MBTD1: variants seen among roughly 807,000 people sequenced by gnomAD.
The protein encoded by MBTD1 is MBT domain-containing protein 1.
MBTD1 carries 24 observed loss-of-function variants against 87.8 expected under a neutral mutation model. That is an observed-to-expected ratio of 0.27 (90% CI 0.20 to 0.38). The LOEUF (loss-of-function observed/expected upper bound fraction) is 0.38. Among genes scored for constraint, MBTD1 ranks in the 10% least tolerant of loss-of-function variants. The pLI, the probability that MBTD1 is intolerant of heterozygous loss-of-function variation, is 1.00. For missense variants in MBTD1, 436 were observed against 760.2 expected (o/e 0.57, Z 5.02); for synonymous variants, 237 against 248.6 (o/e 0.95, Z 0.44).
chr17:51,255,500 T>C (rs1303701525), intron 2 of MBTD1, among the ~76,000 whole-genome samples: 3 of 151,954 alleles, frequency 2.0e-5, no homozygotes, highest in Non-Finnish European at 4.4e-5. Context: ...CACATACAGA[T>C]ACACAAGGGG....
intron 2 of MBTD1, among the ~76,000 whole-genome samples, chr17:51,234,180 G>A (rs969143100): frequency 6.6e-6 from 1 of 151,792 alleles, no homozygotes; most frequent in South Asian, 2.1e-4. Context: ...ACCTGAGGTC[G>A]TCAGGAGTTC....
chr17:51,245,179 C>A (rs982860037), intron 2 of MBTD1, among the ~76,000 whole-genome samples: 1 of 152,216 alleles, frequency 6.6e-6, no homozygotes, highest in Non-Finnish European at 1.5e-5. Context: ...GGATTACAGG[C>A]ATGAGCCACT....
rs191640326 is a variant in MBTD1 at position 51,228,089 on chromosome 17, A to G, written c.-48-2880T>C. 4.4e-3 allele frequency among the ~76,000 whole-genome samples: 677 copies of G among 152,338 alleles called. 8 individuals carry two copies. Among genetic ancestry groups the G allele is most frequent in the African/African-American group, 0.015 (632 of 41,580 alleles). The stretch of plus-strand genomic sequence containing the variant: ...AACATAAACAATGGTTTAAAACCCA[A>G]CCCAATTTTCTCAAGCTAAACAGTA... On this transcript the variant is annotated intron_variant, in intron 2 of 16. Transcript: ENST00000586178.
chr17:51,217,928 A>G (rs1189600688), intron 5 of MBTD1, among the ~76,000 whole-genome samples: 3 of 152,116 alleles, frequency 2.0e-5, no homozygotes, highest in Non-Finnish European at 4.4e-5. Context: ...TACATGACAC[A>G]TGCTCCTGAG....
rs557662592 is a variant in MBTD1, at chr17:51,245,238, A to G, written c.-49+13905T>C. ...TTGTTATCTTATTTTGTGTGGTTTT[A>G]TGTGCCTACTTTTTTTCTTCTTTAG... On this transcript the variant is annotated intron_variant, in intron 2 of 16. Transcript: ENST00000586178. Among the ~76,000 whole-genome samples the G allele has an allele frequency of 3.3e-5, 5 of 152,054 alleles. No homozygotes were observed. The South Asian group carries it at 1.0e-3, about 32-fold the overall frequency.
At position 51,246,191 on chromosome 17, in the gene MBTD1, G is replaced by C. The variant is rs1482260522; in HGVS notation, c.-49+12952C>G. On this transcript the variant is annotated intron_variant, in intron 2 of 16. Coordinates refer to ENST00000586178, the MANE Select transcript of MBTD1 (RefSeq NM_017643.3). ...TAGATATCTTGGGGATGAGACCCAA[G>C]TCTAAACACGAAATTCACTTGTTTC... Among the ~76,000 whole-genome samples the C allele has an allele frequency of 2.6e-5, 4 of 152,238 alleles. No individual in the cohort carries two copies. In the South Asian group the frequency reaches 8.3e-4, roughly 32 times the overall value.
chr17:51,260,712 C>A, upstream of MBTD1: 1 of 1,600,468 alleles, frequency 6.2e-7, no homozygotes. Flanking sequence ...CAAAAGCCTG[C>A]CCCTTCATCC....
At position 51,179,488 on chromosome 17, in the gene MBTD1, A is replaced by ATATATATATATATATTTATT. The variant is rs2050207241; in HGVS notation, c.*1087_*1088insAATAAATATATATATATATA. ...TGAATACAATTAAAGACAATTTTAT[A>ATATATATATATATATTTATT]TATATATATATATATATATATATAT... On this transcript the variant is annotated 3_prime_UTR_variant, in exon 17 of 17. Coordinates refer to ENST00000586178, the MANE Select transcript of MBTD1 (RefSeq NM_017643.3). 1 of 18,464 alleles carries ATATATATATATATATTTATT rather than the reference A, an allele frequency of 5.4e-5. No homozygotes were observed. The highest frequency in any genetic ancestry group is 1.1e-4 in the Non-Finnish European group (1 of 8,888). 1.1% of individuals were successfully genotyped at this position (18,464 alleles called of 1,614,324 possible).
At chr17:51,189,513 C>A (rs2050700671) in intron 16 of MBTD1, among the ~76,000 whole-genome samples, 1 of 152,176 alleles carries the variant, frequency 6.6e-6, no homozygotes, top group Non-Finnish European at 1.5e-5. Context: ...ATATTTCTTT[C>A]CATGTTCCCA....
At chr17:51,222,546 A>AG (rs1344581879) in intron 3 of MBTD1, among the ~76,000 whole-genome samples, 4 of 151,992 alleles carry the variant, frequency 2.6e-5, no homozygotes, top group African/African-American at 9.7e-5. Flanking sequence ...CTGGGACTAC[A>AG]GGCACACGCC....
intron 9 of MBTD1, 61 bp from the exon 10 acceptor site, chr17:51,202,996 G>A: frequency 1.5e-6 from 2 of 1,379,158 alleles, no homozygotes; most frequent in Non-Finnish European, 2.1e-6. Context: ...AGAAATTTTT[G>A]TATTATACTG....
intron 2 of MBTD1, among the ~76,000 whole-genome samples, chr17:51,227,721 G>A (rs1305127607): frequency 8.5e-5 from 13 of 152,062 alleles, no homozygotes; most frequent in Non-Finnish European, 1.5e-4. Flanking sequence ...AGGCTGAGGC[G>A]GGGAGATCAC....
At position 51,211,201 on chromosome 17, in the gene MBTD1, G is replaced by A. The variant is rs192748902; in HGVS notation, c.487-4196C>T. Reference sequence around the variant, plus strand: ...TAAGTTAGGCTTTCTTTAAAACAACGGAAAGACAGGGCCAGGCATGATGGC... The same window carrying A: ...TAAGTTAGGCTTTCTTTAAAACAACAGAAAGACAGGGCCAGGCATGATGGC... On this transcript the variant is annotated intron_variant, in intron 6 of 16. Coordinates refer to ENST00000586178, the MANE Select transcript of MBTD1 (RefSeq NM_017643.3). Among the ~76,000 whole-genome samples the A allele has an allele frequency of 1.2e-3, 184 of 150,650 alleles. 2 individuals are homozygous for A. The highest frequency in any genetic ancestry group is 4.3e-3 in the African/African-American group (176 of 41,050).
At chr17:51,233,768 A>G (rs947525139) in intron 2 of MBTD1, among the ~76,000 whole-genome samples, 4 of 152,174 alleles carry the variant, frequency 2.6e-5, no homozygotes. Context: ...ATTTATACCA[A>G]CATGCATCAT....
intron 6 of MBTD1, among the ~76,000 whole-genome samples, chr17:51,216,947 T>A (rs2052605007): frequency 6.6e-6 from 1 of 152,068 alleles, no homozygotes; most frequent in African/African-American, 2.4e-5. Context: ...ATACCTGTAA[T>A]CCCAGCATTT....
intron 2 of MBTD1, among the ~76,000 whole-genome samples, chr17:51,236,654 G>T (rs1309278568): frequency 6.6e-6 from 1 of 152,184 alleles, no homozygotes; most frequent in African/African-American, 2.4e-5. Context: ...GCCCGAGGCA[G>T]GGAGGCCTCT....
At chr17:51,199,378 T>TA (rs1316445506) in intron 12 of MBTD1, among the ~76,000 whole-genome samples, 3 of 151,816 alleles carry the variant, frequency 2.0e-5, no homozygotes, top group Admixed American at 6.6e-5. Context: ...GTAATTGTAA[T>TA]AAAAAAAGGG....
intron 2 of MBTD1, 60 bp from the exon 3 acceptor site, chr17:51,225,269 A>T: frequency 1.2e-6 from 1 of 802,794 alleles, no homozygotes; most frequent in Non-Finnish European, 1.8e-6. Context: ...CCCCTAAAAG[A>T]CCCTAGCACA....
At chr17:51,246,961 T>C (rs1247518445) in intron 2 of MBTD1, among the ~76,000 whole-genome samples, 1 of 152,162 alleles carries the variant, frequency 6.6e-6, no homozygotes, top group Non-Finnish European at 1.5e-5. Context: ...TTTCTATCTG[T>C]ATTGACTCAT....
Sources: allele counts gnomAD v4.1 joint callset (sites outside exome capture counted in the v4.1 genomes callset), GRCh38; gene constraint gnomAD v4.1.1; transcripts MANE v1.5; gene names NCBI Gene and HGNC (gene_info 2026-07-23, HGNC 2026-07-21).